PPP6R3: variants seen among roughly 807,000 people sequenced by gnomAD.
The protein encoded by PPP6R3 is protein phosphatase 6 regulatory subunit 3.
Under a neutral mutation model 110.7 loss-of-function variants are expected in PPP6R3, and 38 were observed. The observed-to-expected ratio is 0.34, with a 90% CI of 0.26 to 0.45. PPP6R3 has a LOEUF of 0.45. Among genes scored for constraint, PPP6R3 ranks in the 20% least tolerant of loss-of-function variants. The probability of loss-of-function intolerance (pLI) is 1.00; values close to 1 mark genes in which losing one functional copy is unlikely to be tolerated. For missense variants in PPP6R3, 870 were observed against 1,062.4 expected (o/e 0.82, Z 2.52); for synonymous variants, 369 against 373.5 (o/e 0.99, Z 0.14).
At chr11:68,512,381 C>G (rs558784476) in intron 1 of PPP6R3, among the ~76,000 whole-genome samples, 3 of 152,164 alleles carry the variant, frequency 2.0e-5, no homozygotes, top group Admixed American at 1.3e-4. Flanking sequence ...CACCATAATC[C>G]CAAATGTTGG....
intron 22 of PPP6R3, among the ~76,000 whole-genome samples, chr11:68,607,697 ATC>A (rs1299722870): frequency 3.3e-5 from 5 of 152,110 alleles, no homozygotes; most frequent in African/African-American, 1.2e-4. Flanking sequence ...TTCTGTATCT[ATC>A]TCATCTGTCT....
chr11:68,475,361 C>T (rs576248531), intron 1 of PPP6R3, among the ~76,000 whole-genome samples: 1 of 152,348 alleles, frequency 6.6e-6, no homozygotes, highest in East Asian at 1.9e-4. Context: ...CTTTTCCCCA[C>T]CTTTCCCCCT....
At chr11:68,540,923 A>C (rs2099311923) in intron 3 of PPP6R3, among the ~76,000 whole-genome samples, 1 of 152,176 alleles carries the variant, frequency 6.6e-6, no homozygotes, top group African/African-American at 2.4e-5. Flanking sequence ...ATATTGCTCA[A>C]ACACACATGC....
At chr11:68,538,382 A>C (rs1424647496) in intron 3 of PPP6R3, among the ~76,000 whole-genome samples, 2 of 152,212 alleles carry the variant, frequency 1.3e-5, no homozygotes, top group Non-Finnish European at 2.9e-5. Flanking sequence ...AGAGAACGAC[A>C]GTACAGTAAG....
chr11:68,496,044 G>T (rs969718858), intron 1 of PPP6R3, among the ~76,000 whole-genome samples: 1 of 152,242 alleles, frequency 6.6e-6, no homozygotes, highest in South Asian at 2.1e-4. Context: ...GAGTGCAGTG[G>T]TGCAGTCACA....
chr11:68,525,425 T>G (rs1030751472), intron 2 of PPP6R3, among the ~76,000 whole-genome samples: 1 of 152,234 alleles, frequency 6.6e-6, no homozygotes, highest in Non-Finnish European at 1.5e-5. Flanking sequence ...GAGCTTTTAT[T>G]CCTGAGCAGT....
At chr11:68,584,175 G>A (rs1266608168) in intron 15 of PPP6R3, among the ~76,000 whole-genome samples, 4 of 152,206 alleles carry the variant, frequency 2.6e-5, no homozygotes, top group Non-Finnish European at 5.9e-5. Context: ...GGAGGTTAGG[G>A]TCAGGAAGTA....
At position 68,603,400 on chromosome 11, in the gene PPP6R3, A is replaced by T; in HGVS notation, c.2358A>T (p.Thr786=). 6.2e-7 allele frequency: 1 copy of T among 1,614,140 alleles called. No homozygotes were observed. Among genetic ancestry groups the T allele is most frequent in the South Asian group, 1.1e-5 (1 of 91,082 alleles). The change falls in exon 22 of 24, where the codon ACA becomes ACT. Residue 786 remains threonine (T), a synonymous_variant. Transcript: ENST00000393800. ...SSDGEEDAES[T]DKVTETVMNG... is the part of the protein sequence containing the mutation. ...ACGGAGAGGAGGATGCAGAAAGTAC[A>T]GACAAGGTAACTGAGACAGTGATGA...
At chr11:68,531,780 A>G (rs921449916) in intron 2 of PPP6R3, among the ~76,000 whole-genome samples, 2 of 152,134 alleles carry the variant, frequency 1.3e-5, no homozygotes, top group Non-Finnish European at 2.9e-5. Context: ...TTGACTCTCT[A>G]CAACCTGTTT....
At chr11:68,597,045 G>A (rs1184843815) in intron 19 of PPP6R3, among the ~76,000 whole-genome samples, 1 of 152,218 alleles carries the variant, frequency 6.6e-6, no homozygotes, top group Admixed American at 6.5e-5. Flanking sequence ...ACCCTCAGGA[G>A]GAGGAAGTGG....
chr11:68,594,335 T>TGAGA (rs560088974), intron 18 of PPP6R3, among the ~76,000 whole-genome samples: 15 of 81,528 alleles, frequency 1.8e-4, no homozygotes, highest in African/African-American at 6.4e-4. Flanking sequence ...AGAGAGAGAG[T>TGAGA]GAGAGAGAGA....
intron 18 of PPP6R3, among the ~76,000 whole-genome samples, chr11:68,594,049 T>C (rs914931045): frequency 6.6e-6 from 1 of 151,896 alleles, no homozygotes; most frequent in African/African-American, 2.4e-5. Context: ...AACAAGTATA[T>C]ATGAAAACAC....
At chr11:68,551,032 T>A (rs2153696370) in intron 5 of PPP6R3, 89 bp from the exon 6 acceptor site, 1 of 914,580 alleles carries the variant, frequency 1.1e-6, no homozygotes, top group East Asian at 2.5e-5. Flanking sequence ...ACTTAAAATG[T>A]GATGGATATT....
chr11:68,467,684 G>A (rs909525363), intron 1 of PPP6R3, among the ~76,000 whole-genome samples: 4 of 152,226 alleles, frequency 2.6e-5, no homozygotes, highest in East Asian at 1.9e-4. Flanking sequence ...GTAGCGGGAG[G>A]AACACTGACT....
chr11:68,523,707 G>GCCC (rs10608150), intron 2 of PPP6R3, among the ~76,000 whole-genome samples: 2 of 95,956 alleles, frequency 2.1e-5, no homozygotes, highest in African/African-American at 4.1e-5. Context: ...ATGCCCCCCT[G>GCCC]CCCCCCCCCC....
In PPP6R3 at chr11:68,554,230, C is replaced by G; in HGVS notation, c.704C>G (p.Pro235Arg). 1 of 1,613,006 alleles carries G rather than the reference C, an allele frequency of 6.2e-7. No individual in the cohort carries two copies. Among genetic ancestry groups the G allele is most frequent in the East Asian group, 2.2e-5 (1 of 44,832 alleles). Reference protein sequence around the residue: ...QMLQIQNSTEPDPLLATLEKQ... With the variant: ...QMLQIQNSTERDPLLATLEKQ... ...TTACAAATTCAGAACAGTACAGAGCCCGACCCCCTGCTTGCCACTCTAGAA... is the reference window on the plus strand; with the variant it reads ...TTACAAATTCAGAACAGTACAGAGCGCGACCCCCTGCTTGCCACTCTAGAA... The change falls in exon 7 of 24, where the codon CCC (proline) becomes CGC (arginine). Residue 235 changes from proline (P) to arginine (R), a missense_variant. Transcript: ENST00000393800.
At chr11:68,570,290 C>A (rs902976833) in intron 11 of PPP6R3, among the ~76,000 whole-genome samples, 11 of 152,288 alleles carry the variant, frequency 7.2e-5, no homozygotes, top group African/African-American at 2.6e-4. Flanking sequence ...GAACTGAGTT[C>A]TTTGTGATGT....
At chr11:68,608,288 G>A (rs955364213) in intron 22 of PPP6R3, among the ~76,000 whole-genome samples, 2 of 152,292 alleles carry the variant, frequency 1.3e-5, no homozygotes, top group Middle Eastern at 3.4e-3. Flanking sequence ...TTATAGACAA[G>A]CCTTAAAAGC....
At chr11:68,612,955 C>T (rs1435402086) in intron 23 of PPP6R3, 111 bp from the exon 24 acceptor site, 12 of 1,546,428 alleles carry the variant, frequency 7.8e-6, no homozygotes, top group Middle Eastern at 1.7e-4. Context: ...TTACTAAGTT[C>T]AAAACAATGT....
Sources: gnomAD v4.1 joint callset for allele counts (sites outside exome capture counted in the v4.1 genomes callset) on GRCh38, gnomAD v4.1.1 for gene constraint, MANE v1.5 for transcripts, NCBI Gene and HGNC (gene_info 2026-07-23, HGNC 2026-07-21) for gene names.